The following EYS variants were observed in gnomAD, a reference collection of about 807,000 sequenced individuals.
EYS encodes the protein protein eyes shut homolog.
Under a neutral mutation model 282.1 loss-of-function variants are expected in EYS, and 250 were observed. The observed-to-expected ratio is 0.89, with a 90% CI of 0.80 to 0.98. The LOEUF (loss-of-function observed/expected upper bound fraction) is 0.98, where lower values mean the gene tolerates loss of function less well. Among genes scored for constraint, EYS ranks in the 50% least tolerant of loss-of-function variants. The pLI, the probability that EYS is intolerant of heterozygous loss-of-function variation, is 0.00. For missense variants in EYS, 4,016 were observed against 3,709.0 expected, an observed-to-expected ratio of 1.08 and a Z score of -2.15; for synonymous variants, 1,355 against 1,282.9, an observed-to-expected ratio of 1.06 and a Z score of -1.20.
chr6:64,548,950 CAAGGA>C (rs1764976282), intron 26 of EYS, among the ~76,000 whole-genome samples: 1 of 152,108 alleles, frequency 6.6e-6, no homozygotes, highest in South Asian at 2.1e-4. Context: ...ATGTGGGATC[CAAGGA>C]ACAGCGTCTA....
chr6:64,505,232 G>A (rs1264454865), intron 26 of EYS, among the ~76,000 whole-genome samples: 1 of 152,150 alleles, frequency 6.6e-6, no homozygotes. Flanking sequence ...AGGCAATTCA[G>A]AGCTATGCAA....
intron 22 of EYS, among the ~76,000 whole-genome samples, chr6:64,744,328 T>C (rs986109377): frequency 3.3e-5 from 5 of 152,108 alleles, no homozygotes; most frequent in Non-Finnish European, 5.9e-5. Flanking sequence ...GGGTAAGACT[T>C]GGAGTGAGAA....
intron 15 of EYS, among the ~76,000 whole-genome samples, chr6:64,926,510 A>G (rs1321099534): frequency 1.3e-5 from 2 of 152,188 alleles, no homozygotes; most frequent in South Asian, 2.1e-4. Flanking sequence ...TCTCCGTTAT[A>G]GCCTGGATTG....
At chr6:65,129,239 T>C (rs1775801134) in intron 12 of EYS, among the ~76,000 whole-genome samples, 2 of 151,904 alleles carry the variant, frequency 1.3e-5, no homozygotes, top group African/African-American at 4.8e-5. Context: ...CTAGGAAATA[T>C]CCTTTTCAAT....
At chr6:63,731,341 G>C (rs1344311865) in intron 41 of EYS, among the ~76,000 whole-genome samples, 1 of 152,084 alleles carries the variant, frequency 6.6e-6, no homozygotes, top group Non-Finnish European at 1.5e-5. Flanking sequence ...GTGTTTTTCT[G>C]TGACTTTTTT....
In EYS at chr6:65,215,062, G is replaced by C. The variant is rs569047873; in HGVS notation, c.2023+80801C>G. 1.7e-4 allele frequency among the ~76,000 whole-genome samples: 24 copies of C among 142,510 alleles called. 1 individual carries two copies. The South Asian group carries it at 5.2e-3, about 31-fold the overall frequency. 93.5% of individuals were successfully genotyped at this position (142,510 alleles called of 152,430 possible). A position where few individuals can be genotyped will look rare whatever the true frequency, so the allele number is the denominator to read the frequency against. On this transcript the variant is annotated intron_variant, in intron 12 of 42. Transcript: ENST00000503581. ...GAAGAGGTGAAAGGAGATTAATATT[G>C]TTTTCATCCCTGCTAACATAACATT... is the stretch of plus-strand genomic sequence containing the variant.
chr6:65,701,376 A>G (rs977022775), intron 1 of EYS, among the ~76,000 whole-genome samples: 5 of 152,158 alleles, frequency 3.3e-5, no homozygotes, highest in African/African-American at 1.2e-4. Context: ...ATAACATGGG[A>G]AAATTGAAAA....
intron 34 of EYS, among the ~76,000 whole-genome samples, chr6:63,987,254 G>A (rs1413966678): frequency 7.9e-5 from 12 of 151,650 alleles, no homozygotes. Flanking sequence ...AGCTGTAGAT[G>A]AAGCTGGCAT....
At chr6:65,243,622 T>A (rs1383014279) in intron 12 of EYS, among the ~76,000 whole-genome samples, 1 of 152,222 alleles carries the variant, frequency 6.6e-6, no homozygotes, top group Non-Finnish European at 1.5e-5. Flanking sequence ...TCTTTTTTTA[T>A]AAATAACTTT....
intron 10 of EYS, among the ~76,000 whole-genome samples, chr6:65,336,118 T>C (rs1441599870): frequency 2.0e-5 from 3 of 151,774 alleles, no homozygotes; most frequent in African/African-American, 7.2e-5. Flanking sequence ...GTAGAGCCTG[T>C]GGAACTGTGT....
At position 65,018,776 on chromosome 6, in the gene EYS, A is replaced by T. The variant is rs547330358; in HGVS notation, c.2138-21073T>A. Among the ~76,000 whole-genome samples the T allele has an allele frequency of 7.2e-5, 11 of 152,092 alleles. No homozygotes were observed. The South Asian group carries it at 1.2e-3, about 17-fold the overall frequency. ...CTAAAACTTTCTCATATTTCCTCTA[A>T]GGTTACCTTTAGTGAAGCCTATATG... On this transcript the variant is annotated intron_variant, in intron 13 of 42. Transcript: ENST00000503581.
chr6:63,743,288 A>G (rs1348651737), intron 41 of EYS, among the ~76,000 whole-genome samples: 1 of 152,224 alleles, frequency 6.6e-6, no homozygotes, highest in African/African-American at 2.4e-5. Context: ...GAAAAATTTA[A>G]TATCTCATTG....
intron 31 of EYS, among the ~76,000 whole-genome samples, chr6:64,135,948 A>G (rs1232856479): frequency 1.3e-5 from 2 of 152,004 alleles, no homozygotes; most frequent in Admixed American, 1.3e-4. Flanking sequence ...ACATTAATTG[A>G]CTTACAAAAG....
intron 26 of EYS, among the ~76,000 whole-genome samples, chr6:64,460,110 A>AC (rs1335748102): frequency 3.9e-5 from 6 of 152,108 alleles, no homozygotes; most frequent in Non-Finnish European, 8.8e-5. Context: ...AACAGATCCC[A>AC]TTTTCTAATT....
intron 26 of EYS, among the ~76,000 whole-genome samples, chr6:64,539,699 A>T (rs1764637986): frequency 6.6e-6 from 1 of 152,222 alleles, no homozygotes; most frequent in African/African-American, 2.4e-5. Flanking sequence ...ATTTTTCTCC[A>T]GGGTGACCTC....
chr6:64,291,118 G>A (rs999871315), intron 30 of EYS, among the ~76,000 whole-genome samples: 1 of 151,168 alleles, frequency 6.6e-6, no homozygotes, highest in Non-Finnish European at 1.5e-5. Flanking sequence ...GCCATAATAA[G>A]CATTTGAAAG....
chr6:64,610,522 G>A (rs1337268840), intron 24 of EYS, among the ~76,000 whole-genome samples: 2 of 150,850 alleles, frequency 1.3e-5, no homozygotes, highest in East Asian at 3.9e-4. Flanking sequence ...TTGTGCATTG[G>A]CCTCTCCAGT....
chr6:65,341,056 C>CT (rs915036861), intron 10 of EYS, among the ~76,000 whole-genome samples: 3 of 151,020 alleles, frequency 2.0e-5, no homozygotes, highest in Non-Finnish European at 4.5e-5. Context: ...AATAGGAAAA[C>CT]TCTCCGTCTT....
At chr6:63,843,195 G>A (rs1772009516) in intron 36 of EYS, among the ~76,000 whole-genome samples, 1 of 152,120 alleles carries the variant, frequency 6.6e-6, no homozygotes, top group Admixed American at 6.5e-5. Context: ...AAATTACTTT[G>A]GGCAGTATGA....
Sources: gnomAD v4.1 joint callset for allele counts (sites outside exome capture counted in the v4.1 genomes callset) on GRCh38, gnomAD v4.1.1 for gene constraint, MANE v1.5 for transcripts, NCBI Gene and HGNC (gene_info 2026-07-23, HGNC 2026-07-21) for gene names.